The following GRIK2 variants were observed in gnomAD, a reference collection of about 807,000 sequenced individuals.
GRIK2 encodes glutamate receptor ionotropic, kainate 2.
A neutral mutation model predicts 100.3 loss-of-function variants in GRIK2; 32 were observed. The observed-to-expected ratio is 0.32, with a 90% confidence interval of 0.24 to 0.43. GRIK2 has a LOEUF of 0.43. Among genes scored for constraint, GRIK2 ranks in the 20% least tolerant of loss-of-function variants. The pLI is 1.00. For synonymous variants in GRIK2, 417 were observed against 389.4 expected (o/e 1.07, Z -0.83); for missense variants, 843 against 1,114.9 (o/e 0.76, Z 3.47).
chr6:101,798,000 T>C (rs965439211), intron 7 of GRIK2, among the ~76,000 whole-genome samples: 1 of 151,130 alleles, frequency 6.6e-6, no homozygotes, highest in African/African-American at 2.4e-5. Context: ...CGTGAATTTA[T>C]TTAGAAATTT....
intron 16 of GRIK2, chr6:102,065,826 T>C (rs1185748403): frequency 6.6e-7 from 1 of 1,512,290 alleles, no homozygotes; most frequent in East Asian, 2.6e-5. Context: ...CTCAAGACTA[T>C]GTATTCCTCC....
At chr6:101,893,354 C>T (rs1452617623) in intron 12 of GRIK2, among the ~76,000 whole-genome samples, 1 of 151,534 alleles carries the variant, frequency 6.6e-6, no homozygotes, top group African/African-American at 2.4e-5. Context: ...CATAAAATAA[C>T]TACCACTTTA....
intron 2 of GRIK2, among the ~76,000 whole-genome samples, chr6:101,498,500 C>T (rs1049875743): frequency 5.3e-5 from 8 of 150,542 alleles, no homozygotes; most frequent in Non-Finnish European, 8.9e-5. Flanking sequence ...TAAAAGTGTT[C>T]CTATTTCTCC....
intron 12 of GRIK2, among the ~76,000 whole-genome samples, chr6:101,904,189 G>A (rs975950846): frequency 2.0e-5 from 3 of 150,160 alleles, no homozygotes; most frequent in Non-Finnish European, 3.0e-5. Flanking sequence ...TATCTTCATC[G>A]TACACATTCT....
chr6:101,697,340 C>CGTGTGTGT (rs63654860), intron 7 of GRIK2, among the ~76,000 whole-genome samples: 1 of 146,716 alleles, frequency 6.8e-6, no homozygotes, highest in African/African-American at 2.5e-5. Flanking sequence ...TTAGGGTGTA[C>CGTGTGTGT]GTGTGTGTGT....
chr6:101,781,174 T>C (rs1026163241), intron 7 of GRIK2, among the ~76,000 whole-genome samples: 11 of 152,108 alleles, frequency 7.2e-5, no homozygotes, highest in African/African-American at 2.4e-5. Context: ...TCCATACTTA[T>C]ATTTTATACA....
At chr6:101,664,069 C>T (rs1562294597) in intron 4 of GRIK2, among the ~76,000 whole-genome samples, 1 of 152,136 alleles carries the variant, frequency 6.6e-6, no homozygotes, top group Non-Finnish European at 1.5e-5. Context: ...ACAAAGAATT[C>T]CTTGTTTCAA....
chr6:101,744,558 A>ATATATATATATCTATCTATC (rs751011648), intron 7 of GRIK2: 1 of 115,028 alleles, frequency 8.7e-6, no homozygotes, highest in African/African-American at 3.7e-5. Flanking sequence ...ATATATATAT[A>ATATATATATATCTATCTATC]TCACAATTTC....
At chr6:101,539,845 G>C (rs1325890039) in intron 2 of GRIK2, among the ~76,000 whole-genome samples, 1 of 151,644 alleles carries the variant, frequency 6.6e-6, no homozygotes, top group Non-Finnish European at 1.5e-5. Context: ...TTTTCAAAAA[G>C]TGGCAGCAAC....
At chr6:101,611,081 A>G (rs1779654820) in intron 2 of GRIK2, among the ~76,000 whole-genome samples, 1 of 151,754 alleles carries the variant, frequency 6.6e-6, no homozygotes, top group South Asian at 2.1e-4. Context: ...TTGGATTTTA[A>G]TGGTCCATTT....
intron 15 of GRIK2, among the ~76,000 whole-genome samples, chr6:102,053,298 G>A (rs994881723): frequency 4.6e-5 from 7 of 151,950 alleles, no homozygotes; most frequent in Non-Finnish European, 8.8e-5. Context: ...ATTTTGCAGG[G>A]AAAATATATC....
chr6:101,872,934 C>G (rs966525314), intron 11 of GRIK2, among the ~76,000 whole-genome samples: 8 of 151,780 alleles, frequency 5.3e-5, no homozygotes, highest in Non-Finnish European at 1.2e-4. Flanking sequence ...ATATTTAAAG[C>G]AGGGTTCACT....
chr6:101,597,852 A>G (rs1176422291), intron 2 of GRIK2, among the ~76,000 whole-genome samples: 5 of 151,668 alleles, frequency 3.3e-5, no homozygotes, highest in East Asian at 3.9e-4. Flanking sequence ...GCCCTTTTCA[A>G]CATCTTTGAG....
intron 2 of GRIK2, among the ~76,000 whole-genome samples, chr6:101,413,020 C>A (rs773740138): frequency 9.2e-5 from 14 of 151,956 alleles, no homozygotes; most frequent in Admixed American, 9.2e-4. Context: ...TAATTCCTGG[C>A]AGGTAGCCAG....
At chr6:102,049,767 C>G (rs1053297766) in intron 15 of GRIK2, among the ~76,000 whole-genome samples, 2 of 152,052 alleles carry the variant, frequency 1.3e-5, no homozygotes, top group Admixed American at 1.3e-4. Context: ...GATTTTGTTT[C>G]TGACCCTTGT....
At chr6:101,676,465 C>T (rs1770848795) in intron 4 of GRIK2, among the ~76,000 whole-genome samples, 158 bp from the exon 5 acceptor site, 1 of 152,074 alleles carries the variant, frequency 6.6e-6, no homozygotes, top group Non-Finnish European at 1.5e-5. Context: ...CCGTATCAAA[C>T]TATCTCATGT....
intron 16 of GRIK2, among the ~76,000 whole-genome samples, chr6:102,066,442 A>G (rs1239308650): frequency 2.0e-5 from 3 of 151,610 alleles, no homozygotes; most frequent in African/African-American, 7.3e-5. Context: ...CAGGATAATG[A>G]GTGGAAAATA....
chr6:101,954,999 ATT>A (rs1318110741), intron 14 of GRIK2, among the ~76,000 whole-genome samples: 1 of 151,884 alleles, frequency 6.6e-6, no homozygotes, highest in Non-Finnish European at 1.5e-5. Context: ...AATATATTAT[ATT>A]TATTTGTTTG....
chr6:101,568,091 T>TG (rs1777366184), intron 2 of GRIK2, among the ~76,000 whole-genome samples: 1 of 151,930 alleles, frequency 6.6e-6, no homozygotes, highest in Non-Finnish European at 1.5e-5. Flanking sequence ...TCTTAGTAAA[T>TG]GAAAAAAAGA....
Sources: gnomAD v4.1 joint callset for allele counts (sites outside exome capture counted in the v4.1 genomes callset) on GRCh38, gnomAD v4.1.1 for gene constraint, MANE v1.5 for transcripts, NCBI Gene and HGNC (gene_info 2026-07-23, HGNC 2026-07-21) for gene names.